PPM1L: variants seen among roughly 807,000 people sequenced by gnomAD.
PPM1L encodes the protein protein phosphatase 1L.
In PPM1L, 13 loss-of-function variants were observed where a neutral mutation model predicts 31.4. The observed-to-expected ratio is 0.41, with a 90% CI of 0.27 to 0.66. The LOEUF is 0.66. PPM1L is among the 30% of genes least tolerant of loss of function. The pLI is 0.29. For synonymous variants in PPM1L, 184 were observed against 175.4 expected (o/e 1.05, Z -0.39); for missense variants, 326 against 453.7 (o/e 0.72, Z 2.56).
At position 160,957,140 on chromosome 3, in the gene PPM1L, A is replaced by T. The variant is rs144539940; in HGVS notation, c.400-4596A>T. 9.8e-3 allele frequency among the ~76,000 whole-genome samples: 1,499 copies of T among 152,370 alleles called. 16 individuals carry two copies. The highest frequency in any genetic ancestry group is 0.014 in the Non-Finnish European group (919 of 68,028). On this transcript the variant is annotated intron_variant, in intron 1 of 3. Coordinates refer to ENST00000498165, the MANE Select transcript of PPM1L (RefSeq NM_139245.4). ...AGATATGAAGGATTGACTAAAACCA[A>T]TAAGAGACCAGAGTATTTGGTTTTC...
At chr3:160,993,219 T>C (rs1347914733) in intron 2 of PPM1L, among the ~76,000 whole-genome samples, 3 of 152,192 alleles carry the variant, frequency 2.0e-5, no homozygotes, top group African/African-American at 7.2e-5. Context: ...GCCTTTATAA[T>C]GAATATCTAA....
chr3:161,068,683 G>C (rs1364830213), intron 3 of PPM1L, 128 bp from the exon 4 acceptor site: 3 of 701,462 alleles, frequency 4.3e-6, no homozygotes, highest in African/African-American at 3.6e-5. Flanking sequence ...CAGGAGTGAT[G>C]GGGTTAAGGG....
In PPM1L at chr3:161,077,019, G is replaced by A. The variant is rs1017889237; in HGVS notation, c.*7862G>A. 1.3e-5 allele frequency: 2 copies of A among 152,122 alleles called. No homozygotes were observed. Among genetic ancestry groups the A allele is most frequent in the Non-Finnish European group, 2.9e-5 (2 of 68,024 alleles). 9.4% of individuals were successfully genotyped at this position (152,122 alleles called of 1,614,324 possible). A position where few individuals can be genotyped will look rare whatever the true frequency, so the allele number is the denominator to read the frequency against. ...TATGTGCCAGGCAGTGACTGTGTCT[G>A]AGTGAATGTATCCATGGTGAGCACT... On this transcript the variant is annotated 3_prime_UTR_variant, in exon 4 of 4. Coordinates refer to ENST00000498165, the MANE Select transcript of PPM1L (RefSeq NM_139245.4).
chr3:160,759,951 G>T (rs527483769), intron 1 of PPM1L, among the ~76,000 whole-genome samples: 3 of 152,252 alleles, frequency 2.0e-5, no homozygotes, highest in South Asian at 2.1e-4. Flanking sequence ...GTCTAGAGAA[G>T]TACCTAAAGG....
chr3:160,766,063 C>T (rs1397679959), intron 1 of PPM1L, among the ~76,000 whole-genome samples: 1 of 151,992 alleles, frequency 6.6e-6, no homozygotes, highest in African/African-American at 2.4e-5. Flanking sequence ...TCCTCAAAGT[C>T]AAAGTTTAAA....
chr3:160,808,388 T>TGTGTGTGTGTGTGTGTGTGCGTGC (rs1560112664), intron 1 of PPM1L, among the ~76,000 whole-genome samples: 1 of 138,532 alleles, frequency 7.2e-6, no homozygotes, highest in Non-Finnish European at 1.6e-5. Context: ...TTTTCCTGTG[T>TGTGTGTGTGTGTGTGTGTGCGTGC]GTGTGTGTGT....
intron 1 of PPM1L, among the ~76,000 whole-genome samples, chr3:160,941,836 C>G (rs1198885336): frequency 6.6e-6 from 1 of 152,094 alleles, no homozygotes; most frequent in African/African-American, 2.4e-5. Context: ...AGTACTGTTT[C>G]TTTTAGCTCT....
intron 1 of PPM1L, among the ~76,000 whole-genome samples, chr3:160,809,553 C>T (rs371329087): frequency 4.6e-5 from 7 of 152,266 alleles, no homozygotes; most frequent in African/African-American, 1.7e-4. Flanking sequence ...CCTCAGCTCT[C>T]CCCACTCTCT....
At chr3:160,999,729 C>T (rs1001094104) in intron 2 of PPM1L, among the ~76,000 whole-genome samples, 24 of 152,246 alleles carry the variant, frequency 1.6e-4, no homozygotes, top group Non-Finnish European at 3.4e-4. Flanking sequence ...GCCAAGTTTA[C>T]AATGCCAGTA....
chr3:160,966,221 G>C (rs1716138481), intron 2 of PPM1L, among the ~76,000 whole-genome samples: 1 of 151,952 alleles, frequency 6.6e-6, no homozygotes, highest in Non-Finnish European at 1.5e-5. Flanking sequence ...TGACTCATTA[G>C]GTTATATTTT....
intron 2 of PPM1L, among the ~76,000 whole-genome samples, chr3:161,046,133 A>AAAAAAAAC (rs1719058331): frequency 1.3e-5 from 2 of 150,228 alleles, no homozygotes; most frequent in Admixed American, 6.6e-5. Flanking sequence ...AAAAAAAAAA[A>AAAAAAAAC]ATCAATGAAT....
chr3:160,912,135 C>G (rs775544242), intron 1 of PPM1L, among the ~76,000 whole-genome samples: 2 of 152,056 alleles, frequency 1.3e-5, no homozygotes, highest in Non-Finnish European at 2.9e-5. Flanking sequence ...AGAATCATGC[C>G]TGAAAGCTGA....
intron 2 of PPM1L, among the ~76,000 whole-genome samples, chr3:161,049,816 C>G (rs984644900): frequency 4.6e-5 from 7 of 152,174 alleles, no homozygotes; most frequent in Admixed American, 3.3e-4. Context: ...CTCACCAGCC[C>G]TGCCCTCCAT....
At chr3:161,012,900 T>C (rs1246240491) in intron 2 of PPM1L, among the ~76,000 whole-genome samples, 1 of 152,160 alleles carries the variant, frequency 6.6e-6, no homozygotes, top group African/African-American at 2.4e-5. Context: ...TATTTGATTC[T>C]TCTCTCTTTT....
rs796199896 is a variant in PPM1L at position 160,801,376 on chromosome 3, A to G, written c.399+44669A>G. On this transcript the variant is annotated intron_variant, in intron 1 of 3. Transcript: ENST00000498165. ...CACTTGGGGCAAAGCGAAATTTGTT[A>G]AGTAAATGGATTTTATGTGTTGGAG... Among the ~76,000 whole-genome samples, 3 of 152,320 alleles carry G rather than the reference A, an allele frequency of 2.0e-5. No individual in the cohort carries two copies. In the South Asian group the frequency reaches 6.2e-4, roughly 32 times the overall value.
At chr3:160,767,435 A>G (rs1370839438) in intron 1 of PPM1L, among the ~76,000 whole-genome samples, 1 of 151,798 alleles carries the variant, frequency 6.6e-6, no homozygotes, top group East Asian at 1.9e-4. Flanking sequence ...GGGTTTTGCC[A>G]TGTTACCCAG....
chr3:160,880,159 G>A (rs571291000), intron 1 of PPM1L, among the ~76,000 whole-genome samples: 30 of 152,040 alleles, frequency 2.0e-4, no homozygotes, highest in African/African-American at 6.7e-4. Context: ...GCAGTAGGAG[G>A]AGAGGAACAA....
intron 1 of PPM1L, among the ~76,000 whole-genome samples, chr3:160,871,285 C>A (rs1712294449): frequency 6.6e-6 from 1 of 152,034 alleles, no homozygotes; most frequent in Non-Finnish European, 1.5e-5. Flanking sequence ...ACAGTGGGAT[C>A]TAAAAATCTA....
intron 2 of PPM1L, among the ~76,000 whole-genome samples, chr3:161,006,981 C>A (rs1028318108): frequency 1.3e-5 from 2 of 152,194 alleles, no homozygotes; most frequent in Non-Finnish European, 2.9e-5. Context: ...CGCGCCCGGC[C>A]CCCTACCTTC....
Sources: allele counts gnomAD v4.1 joint callset (sites outside exome capture counted in the v4.1 genomes callset), GRCh38; gene constraint gnomAD v4.1.1; transcripts MANE v1.5; gene names NCBI Gene and HGNC (gene_info 2026-07-23, HGNC 2026-07-21).